ST6GAL2: variants seen among roughly 807,000 people sequenced by gnomAD.
ST6GAL2 encodes the protein beta-galactoside alpha-2,6-sialyltransferase 2.
A neutral mutation model predicts 37.5 loss-of-function variants in ST6GAL2; 24 were observed. That is an observed-to-expected ratio of 0.64 (90% CI 0.46 to 0.90). ST6GAL2 has a LOEUF of 0.90. Ranked by LOEUF, ST6GAL2 falls within the 40% of genes least tolerant of loss-of-function variation. ST6GAL2 has a pLI of 0.00. For synonymous variants in ST6GAL2, 306 were observed against 295.1 expected, an observed-to-expected ratio of 1.04 and a Z score of -0.38; for missense variants, 715 against 712.7, an observed-to-expected ratio of 1.00 and a Z score of -0.04.
At chr2:106,828,485 A>C (rs1287467887) in intron 5 of ST6GAL2, among the ~76,000 whole-genome samples, 1 of 152,244 alleles carries the variant, frequency 6.6e-6, no homozygotes, top group Non-Finnish European at 1.5e-5. Context: ...GGAGAAAAAA[A>C]GCTGAGCTTA....
In ST6GAL2 at chr2:106,843,364, T is replaced by C; in HGVS notation, c.614A>G (p.Tyr205Cys). The change falls in exon 2 of 6, where the codon TAC (tyrosine) becomes TGC (cysteine). Residue 205 changes from tyrosine (Y) to cysteine (C), a missense_variant. Tyr to Cys is a radical substitution (Grantham distance 194). Transcript: ENST00000409382. ...LYSSMSRAFL[Y>C]RLWKGNVSSK... ...AGAGACGTTCCCCTTCCAGAGCCGG[T>C]ACAGGAAGGCCCTGGACATGGAGGA... is the stretch of plus-strand genomic sequence containing the variant. The C allele has an allele frequency of 6.2e-7, 1 of 1,614,076 alleles. No individual in the cohort carries two copies. Among genetic ancestry groups the C allele is most frequent in the Non-Finnish European group, 8.5e-7 (1 of 1,179,986 alleles).
At chr2:106,857,782 G>C (rs1677636917) in intron 1 of ST6GAL2, among the ~76,000 whole-genome samples, 1 of 152,054 alleles carries the variant, frequency 6.6e-6, no homozygotes, top group South Asian at 2.1e-4. Context: ...TCTGTCCGTA[G>C]AGTGGCCTCT....
chr2:106,837,385 A>G lies in ST6GAL2; in HGVS notation c.944-3239T>C, dbSNP rs191992017. Among the ~76,000 whole-genome samples the G allele has an allele frequency of 1.2e-4, 19 of 152,306 alleles. No individual in the cohort carries two copies. The East Asian group carries it at 3.3e-3, about 26-fold the overall frequency. Reference sequence around the variant, plus strand: ...GAAGCCCCTGTCTCATGCATCATTCATTGTGTTTGTACCACCAGTGCAAAT... The same window carrying G: ...GAAGCCCCTGTCTCATGCATCATTCGTTGTGTTTGTACCACCAGTGCAAAT... On this transcript the variant is annotated intron_variant, in intron 2 of 5. Coordinates refer to ENST00000409382, the MANE Select transcript of ST6GAL2 (RefSeq NM_001142351.2).
intron 1 of ST6GAL2, among the ~76,000 whole-genome samples, chr2:106,849,428 C>T (rs995296762): frequency 6.6e-6 from 1 of 152,104 alleles, no homozygotes; most frequent in Admixed American, 6.5e-5. Context: ...CGATAAGATG[C>T]CAAATTCCAA....
intron 1 of ST6GAL2, among the ~76,000 whole-genome samples, chr2:106,860,472 G>A (rs1677752468): frequency 6.6e-6 from 1 of 152,154 alleles, no homozygotes; most frequent in Non-Finnish European, 1.5e-5. Context: ...GGAACAAATG[G>A]CTAGTGAGGG....
At position 106,803,668 on chromosome 2, in the gene ST6GAL2, A is replaced by C. The variant is rs1675329309; in HGVS notation, c.*3010T>G. 1 of 152,112 alleles carries C rather than the reference A, an allele frequency of 6.6e-6. No individual in the cohort carries two copies. The highest frequency in any genetic ancestry group is 1.9e-4 in the East Asian group (1 of 5,190). 9.4% of individuals were successfully genotyped at this position (152,112 alleles called of 1,614,324 possible). A position where few individuals can be genotyped will look rare whatever the true frequency, so the allele number is the denominator to read the frequency against. The stretch of plus-strand genomic sequence containing the variant: ...AACAACAACAACAACAGGTGAAATT[A>C]TCTTGAAATACAAAAGAACGTCTGT... On this transcript the variant is annotated 3_prime_UTR_variant, in exon 6 of 6. Coordinates refer to ENST00000409382, the MANE Select transcript of ST6GAL2 (RefSeq NM_001142351.2).
intron 1 of ST6GAL2, among the ~76,000 whole-genome samples, chr2:106,856,591 C>G (rs1292175338): frequency 6.6e-6 from 1 of 152,194 alleles, no homozygotes; most frequent in East Asian, 1.9e-4. Context: ...GAGCAGTTAC[C>G]ATTTCAGTTT....
At position 106,843,286 on chromosome 2, in the gene ST6GAL2, GCGGTCAGGTAATC is replaced by G. The variant is rs1385789374; in HGVS notation, c.679_691del (p.Asp227ProfsTer16). 1 of 1,611,576 alleles carries G rather than the reference GCGGTCAGGTAATC, an allele frequency of 6.2e-7. No homozygotes were observed. On this transcript the variant is annotated frameshift_variant, in exon 2 of 6. Transcript: ENST00000409382. LOFTEE classifies it high-confidence loss of function. ...GCGGAAGCGCACCCCGTGCTTGTTG[GCGGTCAGGTAATC>G]CTTCATCGCCTTCTGCAGGCGCGGG...
chr2:106,863,638 G>A (rs957377246), intron 1 of ST6GAL2, among the ~76,000 whole-genome samples: 9 of 152,218 alleles, frequency 5.9e-5, no homozygotes, highest in African/African-American at 1.9e-4. Context: ...TGAGAAATCC[G>A]GGTCCTCCGT....
rs1003385365 is a variant in ST6GAL2, at chr2:106,885,585, C to T, written c.-58+508G>A. ...GCAAATCCGAATGAGATGGACGTCA[C>T]ACTCCCTACTCAAAAGAATGCATCA... On this transcript the variant is annotated intron_variant, in intron 1 of 5. Transcript: ENST00000409382. Among the ~76,000 whole-genome samples the T allele has an allele frequency of 2.0e-5, 3 of 152,090 alleles. No individual in the cohort carries two copies. The East Asian group carries it at 5.8e-4, about 29-fold the overall frequency.
intron 1 of ST6GAL2, among the ~76,000 whole-genome samples, chr2:106,850,059 AG>A (rs1435763304): frequency 6.6e-6 from 1 of 152,204 alleles, no homozygotes; most frequent in Non-Finnish European, 1.5e-5. Context: ...ACATTGGCTC[AG>A]GTTTAAATAT....
At chr2:106,874,533 G>A (rs1573319214) in intron 1 of ST6GAL2, among the ~76,000 whole-genome samples, 1 of 152,170 alleles carries the variant, frequency 6.6e-6, no homozygotes, top group African/African-American at 2.4e-5. Flanking sequence ...TCGAGCTTAA[G>A]GTTTGGAAGG....
chr2:106,857,652 A>G (rs1292846451), intron 1 of ST6GAL2, among the ~76,000 whole-genome samples: 1 of 152,122 alleles, frequency 6.6e-6, no homozygotes, highest in East Asian at 1.9e-4. Context: ...ATATACACAC[A>G]TGTTCTGGAG....
In ST6GAL2 at chr2:106,875,085, TCTC is replaced by T. The variant is rs199765704; in HGVS notation, c.-58+11005_-58+11007del. On this transcript the variant is annotated intron_variant, in intron 1 of 5. Coordinates refer to ENST00000409382, the MANE Select transcript of ST6GAL2 (RefSeq NM_001142351.2). ...GATTTTCATTAGGCAGTCTGCCTGT[TCTC>T]CTTTTTCACTTTTGAAATCACATTT... 6.9e-3 allele frequency among the ~76,000 whole-genome samples: 1,057 copies of T among 152,342 alleles called. 3 individuals are homozygous for T. Among genetic ancestry groups the T allele is most frequent in the Non-Finnish European group, 0.011 (740 of 68,036 alleles).
chr2:106,815,214 G>A (rs1344474449), intron 5 of ST6GAL2, among the ~76,000 whole-genome samples: 1 of 152,148 alleles, frequency 6.6e-6, no homozygotes, highest in Non-Finnish European at 1.5e-5. Flanking sequence ...TCTTGGGAAA[G>A]CAATATGTCA....
intron 5 of ST6GAL2, among the ~76,000 whole-genome samples, chr2:106,819,493 T>C (rs962483411): frequency 6.6e-6 from 1 of 152,118 alleles, no homozygotes; most frequent in Non-Finnish European, 1.5e-5. Context: ...ACTTTTATCC[T>C]AGAATAGTAT....
chr2:106,870,378 A>G (rs963540724), intron 1 of ST6GAL2, among the ~76,000 whole-genome samples: 3 of 152,200 alleles, frequency 2.0e-5, no homozygotes, highest in Non-Finnish European at 4.4e-5. Flanking sequence ...TAGTCATGAA[A>G]TGTAAACAGG....
intron 2 of ST6GAL2, among the ~76,000 whole-genome samples, chr2:106,839,392 C>CATATCT (rs1464827269): frequency 6.6e-6 from 1 of 152,166 alleles, no homozygotes; most frequent in African/African-American, 2.4e-5. Context: ...TGTCAGCCTA[C>CATATCT]ATATCTCTCT....
chr2:106,845,292 C>T lies in ST6GAL2; in HGVS notation c.-57-1258G>A, dbSNP rs141901798. Among the ~76,000 whole-genome samples the T allele has an allele frequency of 3.3e-3, 502 of 152,224 alleles. 2 individuals are homozygous for T. Among genetic ancestry groups the T allele is most frequent in the African/African-American group, 0.012 (485 of 41,538 alleles). On this transcript the variant is annotated intron_variant, in intron 1 of 5. Transcript: ENST00000409382. ...AGTGCCTACCTGGATGTCTGGGGCACATGCTGTATAAAAAATAGGGAGAGA... is the reference window on the plus strand; with the variant it reads ...AGTGCCTACCTGGATGTCTGGGGCATATGCTGTATAAAAAATAGGGAGAGA...
Sources: gnomAD v4.1 joint callset for allele counts (sites outside exome capture counted in the v4.1 genomes callset) on GRCh38, gnomAD v4.1.1 for gene constraint, MANE v1.5 for transcripts, NCBI Gene and HGNC (gene_info 2026-07-23, HGNC 2026-07-21) for gene names.